PCDHA5: variants seen among roughly 807,000 people sequenced by gnomAD.
PCDHA5 encodes protocadherin alpha-5.
In PCDHA5, 43 loss-of-function variants were observed where a neutral mutation model predicts 61.6. That is an observed-to-expected ratio of 0.70 (90% confidence interval 0.55 to 0.90). The LOEUF is 0.90. Among genes scored for constraint, PCDHA5 ranks in the 40% least tolerant of loss-of-function variants. The pLI is 0.00. For missense variants in PCDHA5, 1,298 were observed against 1,222.7 expected, an observed-to-expected ratio of 1.06 and a Z score of -0.92; for synonymous variants, 627 against 543.9, an observed-to-expected ratio of 1.15 and a Z score of -2.13.
intron 1 of PCDHA5, among the ~76,000 whole-genome samples, chr5:140,910,535 T>G (rs2153515129): frequency 6.6e-6 from 1 of 152,274 alleles, no homozygotes; most frequent in African/African-American, 2.4e-5. Flanking sequence ...CCCTCACAAA[T>G]CTATTTTGCA....
chr5:140,836,052 G>C, intron 1 of PCDHA5: 2 of 1,613,612 alleles, frequency 1.2e-6, no homozygotes, highest in Non-Finnish European at 1.7e-6. Flanking sequence ...GTTCGTGCTG[G>C]ACGAGAACGA....
At chr5:140,922,891 G>GA (rs1554201035) in intron 1 of PCDHA5, among the ~76,000 whole-genome samples, 2 of 152,160 alleles carry the variant, frequency 1.3e-5, no homozygotes, top group Non-Finnish European at 2.9e-5. Context: ...CATCATTCAA[G>GA]AAAAAATTTT....
At chr5:140,884,563 T>G in intron 1 of PCDHA5, 4 of 1,614,150 alleles carry the variant, frequency 2.5e-6, no homozygotes, top group Non-Finnish European at 3.4e-6. Context: ...AGGGCCCGCA[T>G]AAGACGGACC....
intron 1 of PCDHA5, chr5:140,858,035 A>T: frequency 6.3e-7 from 1 of 1,597,220 alleles, no homozygotes; most frequent in East Asian, 2.2e-5. Context: ...GGCCACGGCC[A>T]CTGTGCTTGT....
intron 1 of PCDHA5, among the ~76,000 whole-genome samples, chr5:140,916,482 G>C (rs2077584456): frequency 6.6e-6 from 1 of 152,194 alleles, no homozygotes; most frequent in African/African-American, 2.4e-5. Context: ...GTGCCCAAGG[G>C]CTCTTTAGTC....
intron 1 of PCDHA5, chr5:140,827,867 C>T (rs1298214398): frequency 1.1e-5 from 7 of 615,614 alleles, no homozygotes; most frequent in Non-Finnish European, 1.7e-5. Context: ...TATGGTATAG[C>T]ACTGTTACGT....
chr5:141,000,462 T>C (rs1554257607), intron 3 of PCDHA5, among the ~76,000 whole-genome samples: 1 of 139,384 alleles, frequency 7.2e-6, no homozygotes, highest in Non-Finnish European at 1.5e-5. Flanking sequence ...AGTTTTGCTC[T>C]TGTTGCCCAA....
rs138671187 is a variant in PCDHA5, at chr5:140,836,499, G to A, written c.2352+12372G>A. 28 of 1,613,758 alleles carry A rather than the reference G, an allele frequency of 1.7e-5. No individual in the cohort carries two copies. In the African/African-American group the frequency reaches 2.8e-4, roughly 16 times the overall value. ...CGTGTACCTGATCATCGCCATCTGC[G>A]CGGTGTCCAGTCTGTTGGTGCTTAC... On this transcript the variant is annotated intron_variant, in intron 1 of 3. Transcript: ENST00000529859.
chr5:140,919,593 T>A (rs541275874), intron 1 of PCDHA5, among the ~76,000 whole-genome samples: 1 of 152,332 alleles, frequency 6.6e-6, no homozygotes, highest in South Asian at 2.1e-4. Flanking sequence ...TGGTAATTTT[T>A]AAAATAAATT....
chr5:140,954,777 T>C (rs1563274185), intron 1 of PCDHA5, among the ~76,000 whole-genome samples: 1 of 152,214 alleles, frequency 6.6e-6, no homozygotes, highest in African/African-American at 2.4e-5. Flanking sequence ...TTAATTTAAT[T>C]AGATCTCATT....
In PCDHA5 at chr5:141,010,450, G is replaced by T; in HGVS notation, c.*513G>T. 7.6e-6 allele frequency: 7 copies of T among 920,886 alleles called. No homozygotes were observed. The South Asian group carries it at 1.3e-4, about 17-fold the overall frequency. The allele number at this position is 920,886 out of a possible 1,614,324, so 57.0% of individuals were successfully genotyped here. A position where few individuals can be genotyped will look rare whatever the true frequency, so the allele number is the denominator to read the frequency against. ...AAGAAAACAAAGACAAATAAACAGC[G>T]GAAGTTATCAGTATGGAGGGGAAGT... is the stretch of plus-strand genomic sequence containing the variant. On this transcript the variant is annotated 3_prime_UTR_variant, in exon 4 of 4. Transcript: ENST00000529859.
intron 1 of PCDHA5, chr5:140,830,083 G>T (rs141570762): frequency 1.2e-5 from 19 of 1,613,578 alleles, no homozygotes; most frequent in Non-Finnish European, 1.4e-5. Flanking sequence ...CGACGGCCAC[G>T]GTTCTGGTGT....
chr5:140,931,716 T>G (rs1205500293), intron 1 of PCDHA5, among the ~76,000 whole-genome samples: 5 of 151,962 alleles, frequency 3.3e-5, no homozygotes, highest in Admixed American at 3.3e-4. Context: ...TAAAATAACT[T>G]CTATAAATAT....
chr5:140,968,923 T>G lies in PCDHA5; in HGVS notation c.2353-10026T>G, dbSNP rs140504777. The G allele has an allele frequency of 2.9e-3, 4,668 of 1,614,212 alleles. 4 individuals are homozygous for G. Among genetic ancestry groups the G allele is most frequent in the Non-Finnish European group, 3.3e-3 (3,916 of 1,180,046 alleles). ...CATTAAGCACAGTGTCTTTTATATT[T>G]CTTTTGACAATCATCATTTTGAGCA... On this transcript the variant is annotated intron_variant, in intron 1 of 3. Coordinates refer to ENST00000529859, the MANE Select transcript of PCDHA5 (RefSeq NM_018908.3).
In PCDHA5 at chr5:140,951,072, T is replaced by G. The variant is rs551891980; in HGVS notation, c.2353-27877T>G. Among the ~76,000 whole-genome samples the G allele has an allele frequency of 1.1e-4, 16 of 152,184 alleles. No individual in the cohort carries two copies. The South Asian group carries it at 3.1e-3, about 30-fold the overall frequency. ...ATTGCTAAAATTTCCATTGGCTTTCTTATATTTTCCTTTTTTTCTGATAAG... is the reference window on the plus strand; with the variant it reads ...ATTGCTAAAATTTCCATTGGCTTTCGTATATTTTCCTTTTTTTCTGATAAG... On this transcript the variant is annotated intron_variant, in intron 1 of 3. Transcript: ENST00000529859.
chr5:140,979,081 G>A, intron 2 of PCDHA5, 74 bp downstream of exon 2: 1 of 1,564,866 alleles, frequency 6.4e-7, no homozygotes, highest in South Asian at 1.2e-5. Flanking sequence ...CATCTCCATA[G>A]GCCAGAAGCA....
chr5:141,006,503 G>A (rs1163915409), intron 3 of PCDHA5, among the ~76,000 whole-genome samples: 2 of 152,168 alleles, frequency 1.3e-5, no homozygotes, highest in South Asian at 2.1e-4. Context: ...GTGAGCCACC[G>A]CGCCTGGCTG....
chr5:140,900,312 T>C (rs902600593), intron 1 of PCDHA5, among the ~76,000 whole-genome samples: 1 of 151,284 alleles, frequency 6.6e-6, no homozygotes, highest in African/African-American at 2.4e-5. Flanking sequence ...AGTCTCACTT[T>C]TGTCGCCCAG....
chr5:140,826,209 A>G (rs1474766554), intron 1 of PCDHA5, among the ~76,000 whole-genome samples: 1 of 152,256 alleles, frequency 6.6e-6, no homozygotes, highest in Non-Finnish European at 1.5e-5. Flanking sequence ...CACATTTTAA[A>G]AAATCAAGTT....
Sources: gnomAD v4.1 joint callset for allele counts (sites outside exome capture counted in the v4.1 genomes callset) on GRCh38, gnomAD v4.1.1 for gene constraint, MANE v1.5 for transcripts, NCBI Gene and HGNC (gene_info 2026-07-23, HGNC 2026-07-21) for gene names.